Variants in AMOTL1 observed in about 807,000 individuals in gnomAD.
The protein encoded by AMOTL1 is angiomotin like 1.
Under a neutral mutation model 102.9 loss-of-function variants are expected in AMOTL1, and 45 were observed. That is an observed-to-expected ratio of 0.44 (90% CI 0.34 to 0.56). The LOEUF (loss-of-function observed/expected upper bound fraction) is 0.56, where lower values mean the gene tolerates loss of function less well. AMOTL1 is among the 20% of genes least tolerant of loss of function. The pLI, the probability that AMOTL1 is intolerant of heterozygous loss-of-function variation, is 0.01. For missense variants in AMOTL1, 1,114 were observed against 1,225.6 expected (o/e 0.91, Z 1.36); for synonymous variants, 481 against 484.7 (o/e 0.99, Z 0.10).
chr11:94,743,651 CT>C lies in AMOTL1; in HGVS notation c.136+2688del, dbSNP rs760828820. Among the ~76,000 whole-genome samples, 356 of 98,118 alleles carry C rather than the reference CT, an allele frequency of 3.6e-3. 1 individual carries two copies. The highest frequency in any genetic ancestry group is 0.016 in the African/African-American group (334 of 21,064). The allele number at this position is 98,118 out of a possible 152,430, so 64.4% of individuals were successfully genotyped here. On this transcript the variant is annotated intron_variant, in intron 3 of 4. Transcript: ENST00000299004. ...AATTATTTCTCTACTCACAATACTT[CT>C]TTTTTTTTTTTTTTTTTTTTTTTTG...
At chr11:94,761,794 G>T (rs1301760528) in intron 3 of AMOTL1, among the ~76,000 whole-genome samples, 1 of 152,146 alleles carries the variant, frequency 6.6e-6, no homozygotes, top group African/African-American at 2.4e-5. Flanking sequence ...CCACTTCTCT[G>T]TCTTTCCTTG....
chr11:94,729,702 T>C (rs1203811840), intron 2 of AMOTL1, among the ~76,000 whole-genome samples: 2 of 152,172 alleles, frequency 1.3e-5, no homozygotes, highest in Non-Finnish European at 2.9e-5. Context: ...GTAGGAGCCA[T>C]TCTATAGATG....
At chr11:94,852,471 T>G (rs529219624) in intron 7 of AMOTL1, among the ~76,000 whole-genome samples, 6 of 152,218 alleles carry the variant, frequency 3.9e-5, no homozygotes, top group Admixed American at 6.5e-5. Flanking sequence ...GCATCTGGTG[T>G]CTTCTCACCC....
chr11:94,820,901 A>T (rs1489472853), intron 3 of AMOTL1, among the ~76,000 whole-genome samples: 1 of 152,338 alleles, frequency 6.6e-6, no homozygotes, highest in Admixed American at 6.5e-5. Flanking sequence ...CTTAGGCAGT[A>T]ATGTGAACCA....
At chr11:94,830,295 C>G in intron 5 of AMOTL1, 101 bp downstream of exon 5, 1 of 1,107,780 alleles carries the variant, frequency 9.0e-7, no homozygotes, top group Non-Finnish European at 1.3e-6. Flanking sequence ...AGGTACTGGT[C>G]TACCTGTGTT....
At chr11:94,847,101 G>A (rs1952430393) in intron 6 of AMOTL1, among the ~76,000 whole-genome samples, 1 of 152,190 alleles carries the variant, frequency 6.6e-6, no homozygotes, top group African/African-American at 2.4e-5. Context: ...GGACAGAGAT[G>A]TTTGACCCAT....
At chr11:94,810,575 C>T (rs1951660169) in intron 3 of AMOTL1, among the ~76,000 whole-genome samples, 1 of 149,710 alleles carries the variant, frequency 6.7e-6, no homozygotes, top group African/African-American at 2.5e-5. Flanking sequence ...CTGAGACAAA[C>T]TTATCTGTTT....
intron 1 of AMOTL1, among the ~76,000 whole-genome samples, chr11:94,708,194 G>C (rs1949962176): frequency 6.6e-6 from 1 of 152,156 alleles, no homozygotes; most frequent in Non-Finnish European, 1.5e-5. Flanking sequence ...CCTAGTATAA[G>C]ACGCTCTAAG....
chr11:94,709,370 A>G (rs1341989923), intron 1 of AMOTL1, among the ~76,000 whole-genome samples: 1 of 151,608 alleles, frequency 6.6e-6, no homozygotes, highest in Non-Finnish European at 1.5e-5. Flanking sequence ...GGAGAAAAAA[A>G]AAAGTTCCTT....
At chr11:94,707,645 G>A (rs1949952066) in intron 1 of AMOTL1, among the ~76,000 whole-genome samples, 1 of 152,064 alleles carries the variant, frequency 6.6e-6, no homozygotes, top group Non-Finnish European at 1.5e-5. Flanking sequence ...GCCAGTGCCT[G>A]GTTATACATT....
chr11:94,834,250 G>T, intron 6 of AMOTL1, among the ~76,000 whole-genome samples: 1 of 151,846 alleles, frequency 6.6e-6, no homozygotes, highest in East Asian at 1.9e-4. Context: ...AGTTTTTTTT[G>T]GGATTCTAGC....
At chr11:94,746,388 C>T (rs1046761704) in intron 3 of AMOTL1, among the ~76,000 whole-genome samples, 4 of 152,084 alleles carry the variant, frequency 2.6e-5, no homozygotes, top group African/African-American at 7.2e-5. Context: ...CCATGTCTGC[C>T]CTGTGAATAA....
In AMOTL1 at chr11:94,869,312, C is replaced by A. The variant is rs1375439244; in HGVS notation, c.2603C>A (p.Ala868Asp). ...ASTTAASSAH[A>D]KTGSKDSSTQ... Reference sequence around the variant, plus strand: ...ACTACGGCAGCCAGCAGTGCCCACGCCAAGACAGGCAGCAAGGACAGCAGC... The same window carrying A: ...ACTACGGCAGCCAGCAGTGCCCACGACAAGACAGGCAGCAAGGACAGCAGC... Residue 868 changes from alanine (A) to aspartate (D), a missense_variant, in exon 12 of 13, where the codon GCC becomes GAC. Transcript: ENST00000433060. The A allele has an allele frequency of 1.2e-6, 2 of 1,612,840 alleles. No individual in the cohort carries two copies. Among genetic ancestry groups the A allele is most frequent in the Non-Finnish European group, 1.7e-6 (2 of 1,179,454 alleles).
At chr11:94,819,867 G>T (rs1335335208) in intron 3 of AMOTL1, among the ~76,000 whole-genome samples, 2 of 152,186 alleles carry the variant, frequency 1.3e-5, no homozygotes, top group African/African-American at 4.8e-5. Flanking sequence ...CCTTGGCTTA[G>T]GTTGAAAGAA....
rs543710103 is a variant in AMOTL1 at position 94,730,525 on chromosome 11, T to C, written c.85+1470T>C. Reference sequence around the variant, plus strand: ...GCAGATTCCCATGTCACAGCACGTATCATCACACTGTATTGTGCTTGCCTG... The same window carrying C: ...GCAGATTCCCATGTCACAGCACGTACCATCACACTGTATTGTGCTTGCCTG... On this transcript the variant is annotated intron_variant, in intron 2 of 4. Coordinates refer to the AMOTL1 transcript ENST00000299004. Among the ~76,000 whole-genome samples, 3 of 152,306 alleles carry C rather than the reference T, an allele frequency of 2.0e-5. No individual in the cohort carries two copies. In the South Asian group the frequency reaches 6.2e-4, roughly 32 times the overall value.
At position 94,814,523 on chromosome 11, in the gene AMOTL1, G is replaced by C. The variant is rs552856590; in HGVS notation, c.1122-7007G>C. On this transcript the variant is annotated intron_variant, in intron 3 of 12. Coordinates refer to ENST00000433060, the MANE Select transcript of AMOTL1 (RefSeq NM_130847.3). ...TGAGCTTAGTGTAAACGAGGGAGAA[G>C]GAGTGTCAGAAGGGAACAGGACAAT... Among the ~76,000 whole-genome samples the C allele has an allele frequency of 6.6e-5, 10 of 152,318 alleles. No individual in the cohort carries two copies. In the South Asian group the frequency reaches 1.9e-3, roughly 28 times the overall value.
At chr11:94,860,870 T>A (rs1363572375) in intron 9 of AMOTL1, among the ~76,000 whole-genome samples, 1 of 152,074 alleles carries the variant, frequency 6.6e-6, no homozygotes, top group Non-Finnish European at 1.5e-5. Context: ...CGAGAAGGCC[T>A]GTTGGGGTGC....
chr11:94,859,363 G>C (rs1952729093), intron 8 of AMOTL1, among the ~76,000 whole-genome samples, 162 bp from the exon 9 acceptor site: 1 of 152,178 alleles, frequency 6.6e-6, no homozygotes, highest in Admixed American at 6.5e-5. Flanking sequence ...TCGTTTTGCA[G>C]AGCGCCATGA....
intron 6 of AMOTL1, among the ~76,000 whole-genome samples, chr11:94,840,495 G>A (rs945059251): frequency 5.9e-5 from 9 of 151,964 alleles, no homozygotes; most frequent in Middle Eastern, 3.4e-3. Context: ...AAAGAAGGGA[G>A]AGAATATAAT....
Sources: gnomAD v4.1 joint callset for allele counts (sites outside exome capture counted in the v4.1 genomes callset) on GRCh38, gnomAD v4.1.1 for gene constraint, MANE v1.5 for transcripts, NCBI Gene and HGNC (gene_info 2026-07-23, HGNC 2026-07-21) for gene names.